Variants in PRKN observed in about 807,000 individuals in gnomAD.
PRKN encodes parkin RBR E3 ubiquitin protein ligase, also known as E3 ubiquitin-protein ligase parkin.
PRKN carries 56 observed loss-of-function variants against 59.5 expected under a neutral mutation model. That is an observed-to-expected ratio of 0.94 (90% CI 0.76 to 1.18). The LOEUF (loss-of-function observed/expected upper bound fraction) is 1.18, where lower values mean the gene tolerates loss of function less well. PRKN is among the 50% of genes most tolerant of loss of function. The probability of loss-of-function intolerance (pLI) is 0.00; values close to 1 mark genes in which losing one functional copy is unlikely to be tolerated. For missense variants in PRKN, 657 were observed against 596.4 expected, an observed-to-expected ratio of 1.10 and a Z score of -1.06; for synonymous variants, 250 against 222.1, an observed-to-expected ratio of 1.13 and a Z score of -1.12.
At chr6:162,161,243 A>G (rs1242285333) in intron 4 of PRKN, among the ~76,000 whole-genome samples, 1 of 152,168 alleles carries the variant, frequency 6.6e-6, no homozygotes, top group Non-Finnish European at 1.5e-5. Context: ...AATCTAGGTC[A>G]CAGACAATCC....
At position 161,458,002 on chromosome 6, in the gene PRKN, T is replaced by G. The variant is rs1256072273; in HGVS notation, c.1084-71125A>C. 6.6e-6 allele frequency among the ~76,000 whole-genome samples: 1 copy of G among 152,202 alleles called. No homozygotes were observed. The highest frequency in any genetic ancestry group is 1.5e-5 in the Non-Finnish European group (1 of 68,034). ...AACTGTCATGCAGACAATGACCGCC[T>G]TCTGATTTACTTGGGCTGCTCAAAA... On this transcript the variant is annotated intron_variant, in intron 9 of 11. Transcript: ENST00000366898. The surrounding 1 kb of genome is among the most constrained non-coding windows in gnomAD (Gnocchi z 6.1).
At chr6:162,727,306 G>T (rs1779287053) in intron 1 of PRKN, 2 of 347,004 alleles carry the variant, frequency 5.8e-6, no homozygotes, top group African/African-American at 4.4e-5. Context: ...AGGGGCGGCG[G>T]CGGGGCGAAG....
intron 8 of PRKN, among the ~76,000 whole-genome samples, chr6:161,564,484 T>C (rs1780565506): frequency 6.6e-6 from 1 of 152,166 alleles, no homozygotes; most frequent in Non-Finnish European, 1.5e-5. Context: ...GCAATCTGCT[T>C]TCTCAATGTT....
intron 7 of PRKN, among the ~76,000 whole-genome samples, chr6:161,673,155 G>A (rs1019132130): frequency 2.0e-5 from 3 of 152,106 alleles, no homozygotes; most frequent in Admixed American, 6.5e-5. Context: ...AGAGTGAATC[G>A]TAGGGAGATG....
intron 1 of PRKN, among the ~76,000 whole-genome samples, chr6:162,509,998 T>C (rs1777524400): frequency 2.0e-5 from 3 of 152,058 alleles, no homozygotes; most frequent in Admixed American, 2.0e-4. Context: ...ATGCAACAAA[T>C]CTCCACAGCA....
chr6:161,937,054 G>C (rs1181990607), intron 6 of PRKN, among the ~76,000 whole-genome samples: 1 of 152,154 alleles, frequency 6.6e-6, no homozygotes, highest in African/African-American at 2.4e-5. Flanking sequence ...CCAAAGTGCT[G>C]GGATTACAGG....
Position 161,448,456 on chromosome 6 carries a change from T to G in PRKN, c.1084-61579A>C, listed in dbSNP as rs1348651071. Among the ~76,000 whole-genome samples the G allele has an allele frequency of 1.3e-5, 2 of 152,218 alleles. No individual in the cohort carries two copies. The highest frequency in any genetic ancestry group is 4.8e-5 in the African/African-American group (2 of 41,452). On this transcript the variant is annotated intron_variant, in intron 9 of 11. Transcript: ENST00000366898. The surrounding 1 kb of genome is among the most constrained non-coding windows in gnomAD (Gnocchi z 5.1). ...AGGACTCACATATCCACATCTTAGA[T>G]TTAATGCTGATTTCGGGGGGCATTT...
chr6:162,165,239 A>C (rs75428733), intron 4 of PRKN, among the ~76,000 whole-genome samples: 1 of 149,124 alleles, frequency 6.7e-6, no homozygotes, highest in Non-Finnish European at 1.5e-5. Context: ...AAAAAAAAAT[A>C]GGAGAATATT....
At chr6:162,275,796 A>C (rs896878638) in intron 2 of PRKN, among the ~76,000 whole-genome samples, 1 of 152,024 alleles carries the variant, frequency 6.6e-6, no homozygotes, top group African/African-American at 2.4e-5. Flanking sequence ...AAAAAAAAAA[A>C]ACGAAATTAC....
intron 7 of PRKN, among the ~76,000 whole-genome samples, chr6:161,688,756 G>T (rs922190843): frequency 2.0e-5 from 3 of 152,156 alleles, no homozygotes; most frequent in Non-Finnish European, 2.9e-5. Flanking sequence ...CTCAGTGAAG[G>T]TCCATGGGCT....
At chr6:162,070,536 G>A (rs993872876) in intron 4 of PRKN, among the ~76,000 whole-genome samples, 1 of 152,112 alleles carries the variant, frequency 6.6e-6, no homozygotes, top group Admixed American at 6.6e-5. Flanking sequence ...GTGGGCTGGT[G>A]TTCTTAGTTC....
chr6:162,346,928 T>C (rs1554302846), intron 2 of PRKN, among the ~76,000 whole-genome samples: 1 of 151,952 alleles, frequency 6.6e-6, no homozygotes, highest in Non-Finnish European at 1.5e-5. Context: ...TTTGCTTTCC[T>C]AGTATTTGTA....
intron 4 of PRKN, among the ~76,000 whole-genome samples, chr6:162,188,430 T>A (rs1172191980): frequency 6.6e-6 from 1 of 152,120 alleles, no homozygotes; most frequent in East Asian, 1.9e-4. Flanking sequence ...AACACCAACA[T>A]CATTCCACAA....
At chr6:161,520,315 C>T (rs1373799725) in intron 9 of PRKN, among the ~76,000 whole-genome samples, 3 of 150,058 alleles carry the variant, frequency 2.0e-5, no homozygotes, top group Non-Finnish European at 4.4e-5. Context: ...ACCTCTGCCT[C>T]CTGAGTTCAA....
At chr6:161,374,248 C>A (rs115038036) in intron 10 of PRKN, among the ~76,000 whole-genome samples, 1,985 of 149,964 alleles carry the variant, frequency 0.013, 40 homozygotes, top group African/African-American at 0.047. Context: ...TGTGTATATG[C>A]GTATGCTGTA....
At chr6:161,803,914 G>T (rs146694262) in intron 6 of PRKN, among the ~76,000 whole-genome samples, 2 of 152,158 alleles carry the variant, frequency 1.3e-5, no homozygotes, top group Non-Finnish European at 1.5e-5. Context: ...GTACTATTTC[G>T]CTAAAAGGAA....
intron 1 of PRKN, among the ~76,000 whole-genome samples, chr6:162,537,848 G>C (rs769633137): frequency 8.5e-5 from 13 of 152,106 alleles, no homozygotes; most frequent in Admixed American, 2.6e-4. Context: ...AATATTTATA[G>C]GAAGACTTGT....
chr6:161,684,398 T>C (rs1785480101), intron 7 of PRKN, among the ~76,000 whole-genome samples: 3 of 152,102 alleles, frequency 2.0e-5, no homozygotes, highest in Admixed American at 2.0e-4. Flanking sequence ...AAAAAAATAT[T>C]TAATAAGAGG....
At chr6:162,538,677 T>A (rs934420029) in intron 1 of PRKN, among the ~76,000 whole-genome samples, 1 of 152,124 alleles carries the variant, frequency 6.6e-6, no homozygotes, top group African/African-American at 2.4e-5. Context: ...CTATTTAACT[T>A]GAGATCAACC....
Sources: gnomAD v4.1 joint callset for allele counts (sites outside exome capture counted in the v4.1 genomes callset) on GRCh38, gnomAD v4.1.1 for gene constraint, Gnocchi (gnomAD v3.1) non-coding constraint, MANE v1.5 for transcripts, NCBI Gene and HGNC (gene_info 2026-07-23, HGNC 2026-07-21) for gene names.